The following CNTN6 variants were observed in gnomAD, a reference collection of about 807,000 sequenced individuals.
CNTN6 encodes the protein contactin 6.
A neutral mutation model predicts 122.8 loss-of-function variants in CNTN6; 137 were observed. The ratio of observed to expected loss-of-function variants is 1.12; its 90% CI spans 0.97 to 1.29. The LOEUF (loss-of-function observed/expected upper bound fraction) is 1.29, where lower values mean the gene tolerates loss of function less well. CNTN6 is among the 50% of genes most tolerant of loss of function. The pLI is 0.00. For synonymous variants in CNTN6, 570 were observed against 426.0 expected, an observed-to-expected ratio of 1.34 and a Z score of -4.16; for missense variants, 1,634 against 1,223.4, an observed-to-expected ratio of 1.34 and a Z score of -5.01.
chr3:1,290,264 A>G (rs181651169), intron 5 of CNTN6, among the ~76,000 whole-genome samples: 2 of 152,364 alleles, frequency 1.3e-5, no homozygotes, highest in Non-Finnish European at 2.9e-5. Context: ...AGTACTTTAC[A>G]GTAATTTCAC....
rs62229421 is a variant in CNTN6, at chr3:1,234,640, T to C, written c.358+6647T>C. On this transcript the variant is annotated intron_variant, in intron 4 of 22. Coordinates refer to ENST00000446702, the MANE Select transcript of CNTN6 (RefSeq NM_001289080.2). ...TGCGAAGTGCGTATTAAGTGGGTAA[T>C]GCATACCTAATTATAAATGAAAATG... Among the ~76,000 whole-genome samples the C allele has an allele frequency of 9.7e-3, 1,471 of 152,320 alleles. 7 individuals are homozygous for C. Among genetic ancestry groups the C allele is most frequent in the Non-Finnish European group, 0.014 (956 of 68,026 alleles).
intron 20 of CNTN6, among the ~76,000 whole-genome samples, chr3:1,388,285 C>CA (rs1693457075): frequency 1.4e-5 from 2 of 147,966 alleles, no homozygotes; most frequent in Non-Finnish European, 3.0e-5. Flanking sequence ...CTGGGAGGCA[C>CA]CCCCCAGCAG....
rs114425900 is a variant in CNTN6, at chr3:1,204,051, T to C, written c.56-16636T>C. 8.3e-3 allele frequency among the ~76,000 whole-genome samples: 1,269 copies of C among 152,304 alleles called. 20 individuals carry two copies. The highest frequency in any genetic ancestry group is 0.029 in the African/African-American group (1,190 of 41,556). On this transcript the variant is annotated intron_variant, in intron 2 of 22. Transcript: ENST00000446702. The stretch of plus-strand genomic sequence containing the variant: ...GTTTGTGTAAGTGCACTCTGTGATA[T>C]TCCCACAATGACAAAATTGCCTAAT...
At chr3:1,149,732 G>C (rs2092799123) in intron 2 of CNTN6, among the ~76,000 whole-genome samples, 1 of 151,966 alleles carries the variant, frequency 6.6e-6, no homozygotes, top group South Asian at 2.1e-4. Context: ...ACTCATCAAG[G>C]TGCCCCCAAA....
At chr3:1,380,307 C>T (rs553770722) in intron 17 of CNTN6, among the ~76,000 whole-genome samples, 47 of 152,296 alleles carry the variant, frequency 3.1e-4, no homozygotes, top group Non-Finnish European at 5.6e-4. Flanking sequence ...AAATATCTTT[C>T]CCGTGTTTTC....
chr3:1,312,900 A>C (rs1312099004), intron 7 of CNTN6, among the ~76,000 whole-genome samples: 1 of 151,940 alleles, frequency 6.6e-6, no homozygotes, highest in East Asian at 1.9e-4. Flanking sequence ...CAAAATGTGA[A>C]CAACTGTAAT....
intron 11 of CNTN6, among the ~76,000 whole-genome samples, chr3:1,350,364 G>C (rs772025356): frequency 6.6e-6 from 1 of 151,888 alleles, no homozygotes; most frequent in South Asian, 2.1e-4. Context: ...GCAAAGTAAT[G>C]GTTCTGGAAA....
At chr3:1,102,612 C>A (rs983280451) in intron 1 of CNTN6, among the ~76,000 whole-genome samples, 3 of 149,702 alleles carry the variant, frequency 2.0e-5, no homozygotes, top group Non-Finnish European at 4.5e-5. Context: ...CCTGTAGTCC[C>A]AGCTACTCGG....
intron 4 of CNTN6, among the ~76,000 whole-genome samples, chr3:1,244,354 G>GGT (rs775560517): frequency 1.8e-4 from 28 of 151,586 alleles, no homozygotes; most frequent in Non-Finnish European, 3.7e-4. Flanking sequence ...TGCCGCTGAG[G>GGT]GTGAAGGAGA....
intron 4 of CNTN6, among the ~76,000 whole-genome samples, chr3:1,251,853 T>C (rs1334091834): frequency 6.6e-6 from 1 of 152,170 alleles, no homozygotes; most frequent in South Asian, 2.1e-4. Context: ...ATTTATGTTA[T>C]AAACTGCTTG....
chr3:1,221,989 A>G (rs1462112435), intron 3 of CNTN6, among the ~76,000 whole-genome samples: 1 of 152,184 alleles, frequency 6.6e-6, no homozygotes, highest in East Asian at 1.9e-4. Flanking sequence ...AATTGTCTAG[A>G]TTAATGAGTT....
At chr3:1,171,422 G>T (rs1291377917) in intron 2 of CNTN6, among the ~76,000 whole-genome samples, 1 of 152,174 alleles carries the variant, frequency 6.6e-6, no homozygotes, top group East Asian at 1.9e-4. Flanking sequence ...CAACACTGCT[G>T]AGCAGATAAC....
At chr3:1,387,704 C>T (rs903233867) in intron 20 of CNTN6, among the ~76,000 whole-genome samples, 17 of 152,262 alleles carry the variant, frequency 1.1e-4, no homozygotes, top group East Asian at 1.9e-4. Context: ...AGTGGGTGAG[C>T]GCACCGTGCG....
intron 11 of CNTN6, among the ~76,000 whole-genome samples, chr3:1,351,746 T>G (rs190478362): frequency 6.6e-6 from 1 of 152,046 alleles, no homozygotes; most frequent in Admixed American, 6.6e-5. Context: ...TTTCTACTTC[T>G]TCCTTCCTCT....
chr3:1,105,249 C>T (rs1449100330), intron 1 of CNTN6, among the ~76,000 whole-genome samples: 1 of 151,990 alleles, frequency 6.6e-6, no homozygotes, highest in African/African-American at 2.4e-5. Flanking sequence ...TTCAGTATTG[C>T]TCTATATTAC....
intron 5 of CNTN6, among the ~76,000 whole-genome samples, chr3:1,279,746 A>G (rs1440223560): frequency 6.6e-6 from 1 of 152,256 alleles, no homozygotes; most frequent in African/African-American, 2.4e-5. Flanking sequence ...ATGTTAAACC[A>G]AATCTTATTT....
At chr3:1,209,804 C>A (rs1291208663) in intron 2 of CNTN6, among the ~76,000 whole-genome samples, 1 of 152,116 alleles carries the variant, frequency 6.6e-6, no homozygotes, top group East Asian at 1.9e-4. Flanking sequence ...CTAATACAAG[C>A]ATTCCTCTTT....
intron 2 of CNTN6, among the ~76,000 whole-genome samples, chr3:1,195,351 TCTC>T (rs2093761358): frequency 6.6e-6 from 1 of 152,068 alleles, no homozygotes; most frequent in South Asian, 2.1e-4. Flanking sequence ...ATGGTAATCT[TCTC>T]CTGATTTCTT....
intron 4 of CNTN6, among the ~76,000 whole-genome samples, chr3:1,242,250 T>C (rs1049052839): frequency 6.6e-6 from 1 of 152,060 alleles, no homozygotes; most frequent in African/African-American, 2.4e-5. Flanking sequence ...AAAGAGAGGC[T>C]GGGACGAGGG....
Sources: allele counts gnomAD v4.1 joint callset (sites outside exome capture counted in the v4.1 genomes callset), GRCh38; gene constraint gnomAD v4.1.1; transcripts MANE v1.5; gene names NCBI Gene and HGNC (gene_info 2026-07-23, HGNC 2026-07-21).